Variants in EPB41L3 observed in about 807,000 individuals in gnomAD.
The protein encoded by EPB41L3 is erythrocyte membrane protein band 4.1 like 3.
In EPB41L3, 57 loss-of-function variants were observed where a neutral mutation model predicts 127.1. The observed-to-expected ratio is 0.45, with a 90% confidence interval of 0.36 to 0.56. EPB41L3 has a LOEUF of 0.56. Ranked by LOEUF, EPB41L3 falls within the 20% of genes least tolerant of loss-of-function variation. EPB41L3 has a pLI of 0.00. For synonymous variants in EPB41L3, 572 were observed against 549.5 expected (o/e 1.04, Z -0.57); for missense variants, 1,273 against 1,372.2 (o/e 0.93, Z 1.14).
chr18:5,545,873 C>CTG (rs36213569), upstream of EPB41L3, among the ~76,000 whole-genome samples: 2,209 of 146,932 alleles, frequency 0.015, 22 homozygotes, highest in South Asian at 0.034. Flanking sequence ...CTGTATGACT[C>CTG]TGTGTGTGTG....
chr18:5,438,144 T>C, intron 5 of EPB41L3, 34 bp from the exon 6 acceptor site: 1 of 1,597,852 alleles, frequency 6.3e-7, no homozygotes. Context: ...AGTAAAACCT[T>C]GAGAAATTCT....
chr18:5,418,616 A>G (rs1466823093), intron 12 of EPB41L3, among the ~76,000 whole-genome samples: 3 of 152,190 alleles, frequency 2.0e-5, no homozygotes, highest in African/African-American at 7.2e-5. Flanking sequence ...AGTTATCGAA[A>G]TATCCCTGCC....
chr18:5,535,291 TA>T (rs1272868511), intron 1 of EPB41L3, among the ~76,000 whole-genome samples: 1 of 152,016 alleles, frequency 6.6e-6, no homozygotes, highest in Non-Finnish European at 1.5e-5. Flanking sequence ...TCCTTGGTGC[TA>T]AAAAGGTTGG....
chr18:5,414,313 G>A (rs1284634678), intron 13 of EPB41L3, among the ~76,000 whole-genome samples: 3 of 152,184 alleles, frequency 2.0e-5, no homozygotes, highest in African/African-American at 7.2e-5. Context: ...TTATATATCA[G>A]TTGGAGCAAA....
intron 3 of EPB41L3, among the ~76,000 whole-genome samples, chr18:5,461,267 A>G (rs752042266): frequency 1.7e-4 from 26 of 152,324 alleles, no homozygotes; most frequent in Admixed American, 4.6e-4. Context: ...ATGGCATTCC[A>G]TAAAAAATAA....
intron 1 of EPB41L3, among the ~76,000 whole-genome samples, chr18:5,494,828 TGA>T (rs1306220372): frequency 6.6e-6 from 1 of 151,958 alleles, no homozygotes; most frequent in East Asian, 1.9e-4. Flanking sequence ...GTGAGAGTGA[TGA>T]GAGGTGAGGA....
chr18:5,559,923 A>AT (rs1305486111), intron 3 of EPB41L3, among the ~76,000 whole-genome samples: 6 of 152,138 alleles, frequency 3.9e-5, no homozygotes, highest in Admixed American at 3.3e-4. Context: ...TACATTTAAA[A>AT]TTTTTGCCTT....
chr18:5,409,751 A>G (rs763804273), intron 14 of EPB41L3, among the ~76,000 whole-genome samples: 4 of 151,588 alleles, frequency 2.6e-5, no homozygotes, highest in Non-Finnish European at 5.9e-5. Flanking sequence ...AAACATTATT[A>G]CAAAGTAAAA....
chr18:5,408,359 C>T (rs1413328849), intron 14 of EPB41L3, among the ~76,000 whole-genome samples: 2 of 151,222 alleles, frequency 1.3e-5, no homozygotes, highest in Non-Finnish European at 2.9e-5. Context: ...CTGCAACCTC[C>T]ACCTCCTGGG....
chr18:5,506,482 T>G (rs2092212312), intron 1 of EPB41L3, among the ~76,000 whole-genome samples: 1 of 152,138 alleles, frequency 6.6e-6, no homozygotes, highest in Non-Finnish European at 1.5e-5. Flanking sequence ...TTGCTCAGAT[T>G]CTCCTTCTCA....
intron 12 of EPB41L3, among the ~76,000 whole-genome samples, chr18:5,418,130 G>A (rs2077044887): frequency 6.6e-6 from 1 of 152,120 alleles, no homozygotes; most frequent in South Asian, 2.1e-4. Context: ...TTTGCACTGG[G>A]GAAACCAAGC....
chr18:5,590,188 G>A (rs923154337), intron 3 of EPB41L3, among the ~76,000 whole-genome samples: 6 of 151,990 alleles, frequency 3.9e-5, no homozygotes, highest in Admixed American at 6.6e-5. Context: ...TTGGGCTTTC[G>A]AAGCTTGTCC....
chr18:5,398,397 T>C (rs1242681728), intron 16 of EPB41L3: 4 of 491,146 alleles, frequency 8.1e-6, no homozygotes, highest in Non-Finnish European at 1.4e-5. Context: ...TTTTTTCCCC[T>C]TCATTGCAAG....
At chr18:5,541,249 T>A (rs568448515) in intron 1 of EPB41L3, among the ~76,000 whole-genome samples, 105 of 38,772 alleles carry the variant, frequency 2.7e-3, no homozygotes, top group Non-Finnish European at 4.1e-3. Flanking sequence ...AAGGACTCCA[T>A]CTCAAAAAAA....
chr18:5,495,114 T>C (rs890430403), intron 1 of EPB41L3, among the ~76,000 whole-genome samples: 1 of 152,074 alleles, frequency 6.6e-6, no homozygotes, highest in Non-Finnish European at 1.5e-5. Flanking sequence ...AAGTTGACAA[T>C]AAAGGGTTGA....
chr18:5,617,518 C>T (rs930904381), intron 1 of EPB41L3, among the ~76,000 whole-genome samples: 69 of 152,190 alleles, frequency 4.5e-4, no homozygotes, highest in African/African-American at 1.6e-3. Context: ...CGGGGTTTCA[C>T]CGTTTTAGCC....
chr18:5,400,635 C>G (rs1332389470), intron 16 of EPB41L3: 1 of 472,586 alleles, frequency 2.1e-6, no homozygotes, highest in African/African-American at 2.0e-5. Context: ...CTTTCAAAAT[C>G]AGTCAACTTC....
chr18:5,566,410 C>G (rs1265022222), intron 3 of EPB41L3, among the ~76,000 whole-genome samples: 1 of 151,942 alleles, frequency 6.6e-6, no homozygotes, highest in Admixed American at 6.6e-5. Context: ...ACAAGGGACG[C>G]GAAGGACCTC....
chr18:5,574,163 C>T lies in EPB41L3; in HGVS notation c.-306+38177G>A, dbSNP rs528121938. Among the ~76,000 whole-genome samples, 147 of 152,154 alleles carry T rather than the reference C, an allele frequency of 9.7e-4. 1 individual carries two copies. Among genetic ancestry groups the T allele is most frequent in the South Asian group, 2.5e-3 (12 of 4,822 alleles). ...AAAATTCCCTCTCTATTCTATTTCT[C>T]TAATCATATAATTTACTTTAATTCG... On this transcript the variant is annotated intron_variant, in intron 3 of 21. Coordinates refer to the EPB41L3 transcript ENST00000545076.
Sources: gnomAD v4.1 joint callset for allele counts (sites outside exome capture counted in the v4.1 genomes callset) on GRCh38, gnomAD v4.1.1 for gene constraint, MANE v1.5 for transcripts, NCBI Gene and HGNC (gene_info 2026-07-23, HGNC 2026-07-21) for gene names.